The following PIK3CB variants were observed in gnomAD, a reference collection of about 807,000 sequenced individuals.
PIK3CB encodes the protein phosphatidylinositol-4,5-bisphosphate 3-kinase catalytic subunit beta.
Under a neutral mutation model 136.8 loss-of-function variants are expected in PIK3CB, and 39 were observed. That is an observed-to-expected ratio of 0.29 (90% CI 0.22 to 0.37). The LOEUF (loss-of-function observed/expected upper bound fraction) is 0.37, where lower values mean the gene tolerates loss of function less well. Among genes scored for constraint, PIK3CB ranks in the 10% least tolerant of loss-of-function variants. PIK3CB has a pLI of 1.00. For missense variants in PIK3CB, 868 were observed against 1,275.4 expected (o/e 0.68, Z 4.87); for synonymous variants, 428 against 436.6 (o/e 0.98, Z 0.25).
intron 2 of PIK3CB, among the ~76,000 whole-genome samples, chr3:138,775,346 C>T (rs928039408): frequency 6.6e-6 from 1 of 152,152 alleles, no homozygotes; most frequent in African/African-American, 2.4e-5. Context: ...TACCATATCA[C>T]ACACTTGATT....
At chr3:138,767,695 G>C (rs2045751525) in intron 2 of PIK3CB, among the ~76,000 whole-genome samples, 1 of 152,214 alleles carries the variant, frequency 6.6e-6, no homozygotes, top group Admixed American at 6.5e-5. Flanking sequence ...TGCTGCAGCA[G>C]GGCAGGCAGC....
At chr3:138,760,988 A>G (rs973681495) in intron 2 of PIK3CB, among the ~76,000 whole-genome samples, 5 of 152,362 alleles carry the variant, frequency 3.3e-5, no homozygotes, top group Middle Eastern at 3.4e-3. Flanking sequence ...GAAAATCACA[A>G]TTCTGCAAGT....
chr3:138,729,193 ATCAC>A (rs1329079858), intron 8 of PIK3CB, among the ~76,000 whole-genome samples: 1 of 151,846 alleles, frequency 6.6e-6, no homozygotes, highest in East Asian at 1.9e-4. Context: ...AGGCATGAGA[ATCAC>A]TTGAACCCGG....
chr3:138,767,167 A>G (rs2108754105), intron 2 of PIK3CB, among the ~76,000 whole-genome samples: 1 of 152,324 alleles, frequency 6.6e-6, no homozygotes, highest in Non-Finnish European at 1.5e-5. Context: ...GAGACTCTGT[A>G]TCAAAGAAAA....
chr3:138,786,559 T>C (rs1030770463), intron 2 of PIK3CB, among the ~76,000 whole-genome samples: 15 of 152,122 alleles, frequency 9.9e-5, no homozygotes, highest in Admixed American at 9.8e-4. Flanking sequence ...TTGGCCAGGC[T>C]GGTCTCGAAC....
At chr3:138,784,798 G>T (rs898122604) in intron 2 of PIK3CB, among the ~76,000 whole-genome samples, 1 of 152,170 alleles carries the variant, frequency 6.6e-6, no homozygotes, top group Non-Finnish European at 1.5e-5. Flanking sequence ...CCTCCCAGCC[G>T]CCTGCCTTGG....
intron 13 of PIK3CB, among the ~76,000 whole-genome samples, chr3:138,698,479 T>C (rs540915436): frequency 1.3e-5 from 2 of 152,322 alleles, no homozygotes; most frequent in East Asian, 1.9e-4. Context: ...AATGTTAAAA[T>C]TGACCTGAAT....
At chr3:138,779,316 G>GACCTCATGATCTGCCC (rs2045897047) in intron 2 of PIK3CB, among the ~76,000 whole-genome samples, 1 of 150,254 alleles carries the variant, frequency 6.7e-6, no homozygotes, top group Admixed American at 6.7e-5. Context: ...TTGATCTCCT[G>GACCTCATGATCTGCCC]ACCTCATGAT....
chr3:138,790,571 G>A (rs1200800049), intron 2 of PIK3CB, among the ~76,000 whole-genome samples: 2 of 150,312 alleles, frequency 1.3e-5, no homozygotes, highest in Non-Finnish European at 3.0e-5. Flanking sequence ...TTGGGAGGCC[G>A]AAGCGGGCAG....
chr3:138,737,434 TACAA>T (rs1472632387), intron 6 of PIK3CB, among the ~76,000 whole-genome samples: 2 of 86,084 alleles, frequency 2.3e-5, no homozygotes, highest in Non-Finnish European at 4.9e-5. Context: ...CAAAGCAGAA[TACAA>T]ACATATACAT....
chr3:138,750,824 T>C (rs1277043297), intron 4 of PIK3CB, among the ~76,000 whole-genome samples: 1 of 152,182 alleles, frequency 6.6e-6, no homozygotes, highest in Non-Finnish European at 1.5e-5. Context: ...GGTGACCCTT[T>C]CTGACATAGC....
chr3:138,702,767 CACAA>C (rs2044282231), intron 12 of PIK3CB, among the ~76,000 whole-genome samples: 1 of 152,074 alleles, frequency 6.6e-6, no homozygotes. Context: ...TAAATTTATA[CACAA>C]ACACACATTT....
At chr3:138,832,918 A>G (rs1257883766) in intron 1 of PIK3CB, among the ~76,000 whole-genome samples, 2 of 149,442 alleles carry the variant, frequency 1.3e-5, no homozygotes, top group Middle Eastern at 3.5e-3. Flanking sequence ...AGCCTGAGGC[A>G]GGAGGATCGC....
rs549596696 is a variant in PIK3CB, at chr3:138,664,483, C to T, written c.2673-454G>A. 4.5e-4 allele frequency among the ~76,000 whole-genome samples: 69 copies of T among 152,250 alleles called. 1 individual carries two copies. The South Asian group carries it at 0.011, about 25-fold the overall frequency. On this transcript the variant is annotated intron_variant, in intron 20 of 23. Transcript: ENST00000674063. ...GTAAGTAATAGAGATTCCCTGGAGA[C>T]AAGGCCTTAAGATCAAAATTTGGAA...
At chr3:138,788,715 C>T (rs955657614) in intron 2 of PIK3CB, among the ~76,000 whole-genome samples, 6 of 146,372 alleles carry the variant, frequency 4.1e-5, no homozygotes, top group African/African-American at 1.5e-4. Flanking sequence ...GTAATCCCAG[C>T]ACTTTGGGAG....
At chr3:138,817,268 G>A (rs542046187) in intron 1 of PIK3CB, among the ~76,000 whole-genome samples, 21 of 151,982 alleles carry the variant, frequency 1.4e-4, no homozygotes, top group Non-Finnish European at 2.9e-4. Flanking sequence ...AACCCCGGGG[G>A]GCGGAGCCTG....
chr3:138,786,642 A>T (rs1226795565), intron 2 of PIK3CB, among the ~76,000 whole-genome samples: 1 of 152,176 alleles, frequency 6.6e-6, no homozygotes, highest in Non-Finnish European at 1.5e-5. Context: ...CACCGTGCCC[A>T]GCCTGTATTT....
chr3:138,719,957 T>C (rs937652596), intron 8 of PIK3CB, among the ~76,000 whole-genome samples: 3 of 151,064 alleles, frequency 2.0e-5, no homozygotes, highest in African/African-American at 2.4e-5. Flanking sequence ...AAATAGAAAA[T>C]GAGACCTGAA....
Position 138,702,464 on chromosome 3 carries a change from G to C in PIK3CB, c.1581+1979C>G, listed in dbSNP as rs1257038639. Among the ~76,000 whole-genome samples, 5 of 152,286 alleles carry C rather than the reference G, an allele frequency of 3.3e-5. No individual in the cohort carries two copies. The East Asian group carries it at 9.6e-4, about 29-fold the overall frequency. The stretch of plus-strand genomic sequence containing the variant: ...CCTGGGCAAGATTACTGCATGCTCA[G>C]TGTGTAGCAAACTCTCTGATTTAGG... On this transcript the variant is annotated intron_variant, in intron 12 of 23. Transcript: ENST00000674063.
Sources: gnomAD v4.1 joint callset for allele counts (sites outside exome capture counted in the v4.1 genomes callset) on GRCh38, gnomAD v4.1.1 for gene constraint, MANE v1.5 for transcripts, NCBI Gene and HGNC (gene_info 2026-07-23, HGNC 2026-07-21) for gene names.